The following CHRNA7 variants were observed in gnomAD, a reference collection of about 807,000 sequenced individuals.
CHRNA7 encodes cholinergic receptor nicotinic alpha 7 subunit, also known as neuronal acetylcholine receptor subunit alpha-7.
In CHRNA7, 17 loss-of-function variants were observed where a neutral mutation model predicts 48.0. The ratio of observed to expected loss-of-function variants is 0.35; its 90% CI spans 0.24 to 0.53. The LOEUF (loss-of-function observed/expected upper bound fraction) is 0.53, where lower values mean the gene tolerates loss of function less well. Ranked by LOEUF, CHRNA7 falls within the 20% of genes least tolerant of loss-of-function variation. The pLI, the probability that CHRNA7 is intolerant of heterozygous loss-of-function variation, is 0.92. For missense variants in CHRNA7, 155 were observed against 577.7 expected (o/e 0.27, Z 7.50); for synonymous variants, 75 against 242.3 (o/e 0.31, Z 6.41).
chr15:32,129,598 A>G (rs112649572), intron 4 of CHRNA7, among the ~76,000 whole-genome samples: 2,495 of 151,894 alleles, frequency 0.016, 66 homozygotes, highest in African/African-American at 0.054. Context: ...GATGTCTACA[A>G]TGTCTGTGTA....
At chr15:32,116,706 G>A (rs943889177) in intron 4 of CHRNA7, among the ~76,000 whole-genome samples, 1 of 152,234 alleles carries the variant, frequency 6.6e-6, no homozygotes, top group South Asian at 2.1e-4. Flanking sequence ...TGCAGAGACA[G>A]GCAACTGCCT....
At chr15:32,139,169 G>A (rs1045635237) in intron 4 of CHRNA7, among the ~76,000 whole-genome samples, 1 of 152,136 alleles carries the variant, frequency 6.6e-6, no homozygotes, top group Non-Finnish European at 1.5e-5. Flanking sequence ...TGCATTTAAG[G>A]TTCCTCCATG....
At chr15:32,116,991 C>T (rs2050883215) in intron 4 of CHRNA7, among the ~76,000 whole-genome samples, 1 of 152,110 alleles carries the variant, frequency 6.6e-6, no homozygotes, top group Non-Finnish European at 1.5e-5. Flanking sequence ...AGCAGTGTGG[C>T]CAAGCCTGTA....
intron 4 of CHRNA7, among the ~76,000 whole-genome samples, chr15:32,116,148 G>A (rs1408032263): frequency 6.6e-6 from 1 of 152,108 alleles, no homozygotes; most frequent in Non-Finnish European, 1.5e-5. Context: ...CCTAAAGGAG[G>A]GGGTTAAATG....
chr15:32,054,133 T>C (rs916254595), intron 2 of CHRNA7, among the ~76,000 whole-genome samples: 2 of 152,218 alleles, frequency 1.3e-5, no homozygotes, highest in Admixed American at 6.5e-5. Context: ...AACTCTTTAG[T>C]TGGTTTCAAA....
chr15:32,137,344 C>CCCCA (rs1555386697), intron 4 of CHRNA7, among the ~76,000 whole-genome samples: 1 of 151,268 alleles, frequency 6.6e-6, no homozygotes, highest in African/African-American at 2.4e-5. Context: ...CACCCCCCCC[C>CCCCA]CACACAAACA....
chr15:32,060,074 C>T (rs1488342858), intron 2 of CHRNA7, among the ~76,000 whole-genome samples: 1 of 146,474 alleles, frequency 6.8e-6, no homozygotes, highest in Non-Finnish European at 1.5e-5. Context: ...CAAAATCAAA[C>T]TCTAAGCAGA....
At chr15:32,137,168 A>T (rs888872802) in intron 4 of CHRNA7, among the ~76,000 whole-genome samples, 3 of 152,148 alleles carry the variant, frequency 2.0e-5, no homozygotes, top group African/African-American at 7.2e-5. Flanking sequence ...AGTAAATGGG[A>T]TGGCCAGCTG....
At chr15:32,099,777 A>T (rs1266060716) in intron 2 of CHRNA7, 1 of 152,246 alleles carries the variant, frequency 6.6e-6, no homozygotes, top group African/African-American at 2.4e-5. Context: ...ACTTAAATGG[A>T]TAGCTCTGTT....
At chr15:32,134,512 A>T (rs1247101534) in intron 4 of CHRNA7, among the ~76,000 whole-genome samples, 1 of 152,188 alleles carries the variant, frequency 6.6e-6, no homozygotes, top group Non-Finnish European at 1.5e-5. Flanking sequence ...TTTTTTTAAG[A>T]AAACATTACA....
At chr15:32,030,833 G>A in intron 1 of CHRNA7, 65 bp from the exon 2 acceptor site, 1 of 1,569,304 alleles carries the variant, frequency 6.4e-7, no homozygotes, top group Non-Finnish European at 8.6e-7. Flanking sequence ...ACGCCGGCAG[G>A]AGGGAGTCGG....
At chr15:32,076,693 AC>A (rs1194179490) in intron 2 of CHRNA7, among the ~76,000 whole-genome samples, 1 of 152,134 alleles carries the variant, frequency 6.6e-6, no homozygotes, top group East Asian at 1.9e-4. Context: ...ATCCTGTGTC[AC>A]CCCACATGCA....
At chr15:32,147,794 AG>A (rs1445228746) in intron 4 of CHRNA7, among the ~76,000 whole-genome samples, 1 of 152,188 alleles carries the variant, frequency 6.6e-6, no homozygotes, top group East Asian at 1.9e-4. Flanking sequence ...AATAAAATAT[AG>A]AACTAAAAAG....
intron 4 of CHRNA7, among the ~76,000 whole-genome samples, chr15:32,137,077 A>G (rs1303436090): frequency 3.3e-5 from 5 of 151,370 alleles, no homozygotes; most frequent in African/African-American, 1.2e-4. Flanking sequence ...AGAAACCTAA[A>G]TGCAATCCAA....
chr15:32,046,479 T>G (rs948547308), intron 2 of CHRNA7, among the ~76,000 whole-genome samples: 4 of 148,206 alleles, frequency 2.7e-5, no homozygotes, highest in African/African-American at 5.1e-5. Flanking sequence ...TTTGAGAAGT[T>G]TCTGTTCATA....
intron 4 of CHRNA7, among the ~76,000 whole-genome samples, chr15:32,132,549 A>T (rs893905655): frequency 6.6e-6 from 1 of 152,200 alleles, no homozygotes; most frequent in Non-Finnish European, 1.5e-5. Flanking sequence ...ATTTTCACAC[A>T]ATTCTGGGAG....
At position 32,149,367 on chromosome 15, in the gene CHRNA7, C is replaced by T. The variant is rs532215077; in HGVS notation, c.351-4540C>T. 3.9e-5 allele frequency among the ~76,000 whole-genome samples: 6 copies of T among 152,238 alleles called. No homozygotes were observed. Among genetic ancestry groups the T allele is most frequent in the Non-Finnish European group, 8.8e-5 (6 of 68,016 alleles). Reference sequence around the variant, plus strand: ...TTGGCTGGCATCTGTCGGGCATCCCCGGGGAAGCTGCGCCGGTGCTGTGGC... The same window carrying T: ...TTGGCTGGCATCTGTCGGGCATCCCTGGGGAAGCTGCGCCGGTGCTGTGGC... On this transcript the variant is annotated intron_variant, in intron 4 of 9. Coordinates refer to ENST00000306901, the MANE Select transcript of CHRNA7 (RefSeq NM_000746.6). This position sits in a 1 kb window ranked among gnomAD's most constrained non-coding sequence, Gnocchi z 4.6.
chr15:32,119,053 G>C (rs2050922254), intron 4 of CHRNA7, among the ~76,000 whole-genome samples: 1 of 152,052 alleles, frequency 6.6e-6, no homozygotes, highest in South Asian at 2.1e-4. Flanking sequence ...CAGAATACTA[G>C]GCATGGTCAC....
intron 2 of CHRNA7, among the ~76,000 whole-genome samples, chr15:32,093,989 C>T (rs752576674): frequency 6.6e-6 from 1 of 152,138 alleles, no homozygotes; most frequent in Non-Finnish European, 1.5e-5. Flanking sequence ...CAGTCTCTGC[C>T]TCAGTGGCTC....
Sources: allele counts gnomAD v4.1 joint callset (sites outside exome capture counted in the v4.1 genomes callset), GRCh38; gene constraint gnomAD v4.1.1; non-coding constraint Gnocchi (gnomAD v3.1); transcripts MANE v1.5; gene names NCBI Gene and HGNC (gene_info 2026-07-23, HGNC 2026-07-21).